CDH13: variants seen among roughly 807,000 people sequenced by gnomAD.
CDH13 encodes cadherin-13.
A neutral mutation model predicts 63.8 loss-of-function variants in CDH13; 24 were observed. That is an observed-to-expected ratio of 0.38 (90% confidence interval 0.27 to 0.53). The LOEUF is 0.53. Ranked by LOEUF, CDH13 falls within the 20% of genes least tolerant of loss-of-function variation. CDH13 has a pLI of 0.85. For missense variants in CDH13, 1,049 were observed against 903.1 expected, an observed-to-expected ratio of 1.16 and a Z score of -2.07; for synonymous variants, 503 against 355.3, an observed-to-expected ratio of 1.42 and a Z score of -4.67.
intron 10 of CDH13, among the ~76,000 whole-genome samples, chr16:83,685,825 C>T (rs1021138761): frequency 7.9e-5 from 12 of 152,210 alleles, no homozygotes; most frequent in Non-Finnish European, 1.8e-4. Flanking sequence ...CTGCTTTCGT[C>T]CTGCCTGTGC....
At chr16:83,362,311 C>G (rs1278110211) in intron 6 of CDH13, among the ~76,000 whole-genome samples, 1 of 152,204 alleles carries the variant, frequency 6.6e-6, no homozygotes, top group Non-Finnish European at 1.5e-5. Context: ...GGCAATGTCA[C>G]AGCCGCGTGT....
At chr16:83,743,755 T>TTTTTC (rs1912288672) in intron 10 of CDH13, among the ~76,000 whole-genome samples, 1 of 124,902 alleles carries the variant, frequency 8.0e-6, no homozygotes, top group Non-Finnish European at 1.6e-5. Context: ...TTTCTTTTTT[T>TTTTTC]TTTTTTTTTT....
chr16:83,532,654 C>G (rs966053179), intron 7 of CDH13, among the ~76,000 whole-genome samples: 1 of 152,226 alleles, frequency 6.6e-6, no homozygotes, highest in Non-Finnish European at 1.5e-5. Flanking sequence ...CAGTTTCTTC[C>G]TCTGCAATCT....
In CDH13 at chr16:83,171,620, T is replaced by C. The variant is rs1567473541; in HGVS notation, c.484-45725T>C. On this transcript the variant is annotated intron_variant, in intron 4 of 13. Coordinates refer to ENST00000567109, the MANE Select transcript of CDH13 (RefSeq NM_001257.5). ...CTGTGTCTCTATCTTCATTTCCTTG[T>C]TTGTGTCTCCAATTTCCTATATGCC... The C allele has an allele frequency of 4.2e-6, 6 of 1,430,456 alleles. 1 individual carries two copies. Among genetic ancestry groups the C allele is most frequent in the South Asian group, 3.7e-5 (3 of 81,962 alleles). The allele number at this position is 1,430,456 out of a possible 1,614,324, so 88.6% of individuals were successfully genotyped here.
intron 1 of CDH13, among the ~76,000 whole-genome samples, chr16:82,662,705 T>C (rs1205141534): frequency 3.9e-5 from 6 of 152,246 alleles, no homozygotes; most frequent in Non-Finnish European, 8.8e-5. Flanking sequence ...CGATAACAGC[T>C]TCTGCTATAG....
At chr16:82,659,834 T>A (rs763080301) in intron 1 of CDH13, among the ~76,000 whole-genome samples, 4 of 152,126 alleles carry the variant, frequency 2.6e-5, no homozygotes, top group Admixed American at 6.5e-5. Context: ...TGGCAGGATG[T>A]CCAGAAGCAT....
At chr16:83,192,786 C>G (rs1190427879) in intron 4 of CDH13, among the ~76,000 whole-genome samples, 1 of 152,100 alleles carries the variant, frequency 6.6e-6, no homozygotes. Context: ...ATGCACCAGG[C>G]CACTGTTGCC....
chr16:83,271,820 C>T (rs2088827006), intron 5 of CDH13, among the ~76,000 whole-genome samples: 1 of 152,110 alleles, frequency 6.6e-6, no homozygotes, highest in South Asian at 2.1e-4. Flanking sequence ...AGTAAAAATG[C>T]TGCTGTCCAA....
In CDH13 at chr16:83,720,183, A is replaced by G. The variant is rs1034737562; in HGVS notation, c.1539-27925A>G. 2.0e-5 allele frequency among the ~76,000 whole-genome samples: 3 copies of G among 151,462 alleles called. No individual in the cohort carries two copies. The East Asian group carries it at 5.8e-4, about 29-fold the overall frequency. Reference sequence around the variant, plus strand: ...TGACCTTGATCCAGTACATACGTACACACACACACACACGTTCACACACTT... The same window carrying G: ...TGACCTTGATCCAGTACATACGTACGCACACACACACACGTTCACACACTT... On this transcript the variant is annotated intron_variant, in intron 10 of 13. Transcript: ENST00000567109.
chr16:83,544,884 C>G (rs2075358006), intron 7 of CDH13, among the ~76,000 whole-genome samples: 1 of 152,164 alleles, frequency 6.6e-6, no homozygotes, highest in Admixed American at 6.5e-5. Context: ...ACAGTATAAG[C>G]TCAATAAATG....
At chr16:82,673,854 A>G (rs1460747192) in intron 1 of CDH13, among the ~76,000 whole-genome samples, 1 of 152,238 alleles carries the variant, frequency 6.6e-6, no homozygotes, top group Non-Finnish European at 1.5e-5. Context: ...CTGTATGGGC[A>G]GCAACTCCAG....
At chr16:83,759,936 T>TAAAAAAAAAAAAA (rs11329988) in intron 11 of CDH13, among the ~76,000 whole-genome samples, 1 of 133,378 alleles carries the variant, frequency 7.5e-6, no homozygotes, top group Non-Finnish European at 1.6e-5. Flanking sequence ...TCAAAACCAA[T>TAAAAAAAAAAAAA]AAAAAAAAAA....
At chr16:83,563,642 G>C (rs62040165) in intron 7 of CDH13, among the ~76,000 whole-genome samples, 6,018 of 152,216 alleles carry the variant, frequency 0.04, 220 homozygotes, top group South Asian at 0.16. Flanking sequence ...GTTTCCTCTA[G>C]AAACGACCAG....
chr16:83,468,259 A>G (rs1374477409), intron 6 of CDH13, among the ~76,000 whole-genome samples: 1 of 152,160 alleles, frequency 6.6e-6, no homozygotes, highest in Non-Finnish European at 1.5e-5. Context: ...TTCTTAGAAG[A>G]AAGAGGCAAC....
chr16:83,441,794 G>C (rs578006283), intron 6 of CDH13, among the ~76,000 whole-genome samples: 1 of 152,192 alleles, frequency 6.6e-6, no homozygotes, highest in East Asian at 1.9e-4. Context: ...TGATGATTCA[G>C]CTCTGGACCC....
At chr16:83,611,088 T>G (rs1007379395) in intron 8 of CDH13, among the ~76,000 whole-genome samples, 2 of 152,210 alleles carry the variant, frequency 1.3e-5, no homozygotes, top group African/African-American at 4.8e-5. Flanking sequence ...CTGTTGGGAT[T>G]CTACTTTTGG....
At chr16:83,071,446 C>T (rs1205855728) in intron 3 of CDH13, among the ~76,000 whole-genome samples, 2 of 152,146 alleles carry the variant, frequency 1.3e-5, no homozygotes, top group East Asian at 3.9e-4. Context: ...GTAGCTCTTC[C>T]CTGAGAGCTC....
chr16:83,093,863 A>C (rs553163992), intron 3 of CDH13, among the ~76,000 whole-genome samples: 1 of 152,224 alleles, frequency 6.6e-6, no homozygotes. Context: ...CCCAGAAAGC[A>C]CTTGCAATAG....
At chr16:82,869,407 T>A (rs2040266871) in intron 2 of CDH13, among the ~76,000 whole-genome samples, 2 of 150,834 alleles carry the variant, frequency 1.3e-5, no homozygotes, top group Admixed American at 6.6e-5. Flanking sequence ...GCGGAAGGGG[T>A]AGAACAAGGA....
Sources: gnomAD v4.1 joint callset for allele counts (sites outside exome capture counted in the v4.1 genomes callset) on GRCh38, gnomAD v4.1.1 for gene constraint, MANE v1.5 for transcripts, NCBI Gene and HGNC (gene_info 2026-07-23, HGNC 2026-07-21) for gene names.